The following CUX1 variants were observed in gnomAD, a reference collection of about 807,000 sequenced individuals.
CUX1 encodes cut like homeobox 1.
A neutral mutation model predicts 158.8 loss-of-function variants in CUX1; 31 were observed. The ratio of observed to expected loss-of-function variants is 0.20; its 90% confidence interval spans 0.15 to 0.26. CUX1 has a LOEUF of 0.26. Ranked by LOEUF, CUX1 falls within the 10% of genes least tolerant of loss-of-function variation. The pLI, the probability that CUX1 is intolerant of heterozygous loss-of-function variation, is 1.00. For missense variants in CUX1, 1,589 were observed against 2,014.6 expected, an observed-to-expected ratio of 0.79 and a Z score of 4.04; for synonymous variants, 879 against 862.1, an observed-to-expected ratio of 1.02 and a Z score of -0.34.
intron 2 of CUX1, among the ~76,000 whole-genome samples, chr7:101,959,005 G>A (rs1023491006): frequency 6.6e-6 from 1 of 151,564 alleles, no homozygotes; most frequent in Non-Finnish European, 1.5e-5. Context: ...ACAGGCTCAT[G>A]CCAGCCACCA....
chr7:102,081,028 A>G (rs575284409), intron 4 of CUX1, among the ~76,000 whole-genome samples: 12 of 152,262 alleles, frequency 7.9e-5, no homozygotes, highest in African/African-American at 2.6e-4. Context: ...GTTTCTGGCC[A>G]CTTCGCTACT....
At chr7:101,884,744 A>C (rs1270029488) in intron 1 of CUX1, among the ~76,000 whole-genome samples, 1 of 152,226 alleles carries the variant, frequency 6.6e-6, no homozygotes, top group Non-Finnish European at 1.5e-5. Context: ...TTAGCATAGA[A>C]AGTGCTAATT....
In CUX1 at chr7:102,281,807, C is replaced by A. The variant is rs373283478; in HGVS notation, c.1822-33C>A. On this transcript the variant is annotated intron_variant, in intron 20 of 22. Coordinates refer to the CUX1 transcript ENST00000292538. Reference sequence around the variant, plus strand: ...GCCCTGCAGGGGTGGGTGAGGCCGGCCCCATCCCCACTCACCCCCTCCTTG... The same window carrying A: ...GCCCTGCAGGGGTGGGTGAGGCCGGACCCATCCCCACTCACCCCCTCCTTG... 1.4e-5 allele frequency: 20 copies of A among 1,457,048 alleles called. No homozygotes were observed. The African/African-American group carries it at 1.8e-4, about 13-fold the overall frequency. The allele number at this position is 1,457,048 out of a possible 1,614,324, so 90.3% of individuals were successfully genotyped here. A position where few individuals can be genotyped will look rare whatever the true frequency, so the allele number is the denominator to read the frequency against.
chr7:101,927,853 G>C (rs545643797), intron 2 of CUX1, among the ~76,000 whole-genome samples: 32 of 152,348 alleles, frequency 2.1e-4, no homozygotes, highest in Non-Finnish European at 4.4e-4. Flanking sequence ...GAAGTGGTCA[G>C]AGCTGTTGCG....
At chr7:102,074,680 C>A (rs1029289880) in intron 4 of CUX1, among the ~76,000 whole-genome samples, 7 of 152,238 alleles carry the variant, frequency 4.6e-5, no homozygotes, top group African/African-American at 9.6e-5. Flanking sequence ...ACTCTCAGAG[C>A]TTTGTCCCTG....
In CUX1 at chr7:102,273,294, G is replaced by C. The variant is rs1791360117; in HGVS notation, c.1256-72G>C. On this transcript the variant is annotated intron_variant, in intron 14 of 22. Transcript: ENST00000292538. ...CTGCTTCCAGACCGTGGGTTGGAGA[G>C]GCAGAACCAGGGGAGGGCACCAAGG... 4 of 1,564,744 alleles carry C rather than the reference G, an allele frequency of 2.6e-6. No individual in the cohort carries two copies. In the Admixed American group the frequency reaches 5.5e-5, roughly 21 times the overall value.
At chr7:102,226,110 G>T (rs1216672794) in intron 20 of CUX1, among the ~76,000 whole-genome samples, 1 of 152,174 alleles carries the variant, frequency 6.6e-6, no homozygotes, top group Non-Finnish European at 1.5e-5. Context: ...AGGTTTTATG[G>T]GCTGTTATCA....
intron 18 of CUX1, among the ~76,000 whole-genome samples, chr7:102,278,313 G>C (rs1554548225): frequency 6.6e-6 from 1 of 152,254 alleles, no homozygotes; most frequent in Non-Finnish European, 1.5e-5. Context: ...AGAAGGACCA[G>C]GCACGGTGGC....
At chr7:102,105,318 A>G (rs1377966061) in intron 6 of CUX1, among the ~76,000 whole-genome samples, 16 of 152,064 alleles carry the variant, frequency 1.1e-4, no homozygotes, top group Admixed American at 1.0e-3. Flanking sequence ...GGGAGTTAGT[A>G]TCAGTAAAAT....
intron 13 of CUX1, 94 bp downstream of exon 13, chr7:102,193,984 C>T (rs1439577457): frequency 9.9e-6 from 12 of 1,216,856 alleles, no homozygotes; most frequent in African/African-American, 1.5e-5. Flanking sequence ...ACTGTTTCTA[C>T]GAGACCTCTC....
chr7:101,841,240 A>G lies in CUX1; in HGVS notation c.30+23571A>G, dbSNP rs140210913. 1.5e-3 allele frequency among the ~76,000 whole-genome samples: 235 copies of G among 152,062 alleles called. 1 individual carries two copies. Among genetic ancestry groups the G allele is most frequent in the African/African-American group, 5.5e-3 (229 of 41,518 alleles). Reference sequence around the variant, plus strand: ...TTTGGCATTTTATAATTTTCTAAAAATGTTTTCATTTTATCTTGGTTTTAA... The same window carrying G: ...TTTGGCATTTTATAATTTTCTAAAAGTGTTTTCATTTTATCTTGGTTTTAA... On this transcript the variant is annotated intron_variant, in intron 1 of 23. Transcript: ENST00000292535.
rs367906370 is a variant in CUX1 at position 101,957,840 on chromosome 7, ATTAAT to A, written c.141+41619_141+41623del. Among the ~76,000 whole-genome samples, 1,079 of 152,344 alleles carry A rather than the reference ATTAAT, an allele frequency of 7.1e-3. 12 individuals are homozygous for A. Among genetic ancestry groups the A allele is most frequent in the African/African-American group, 0.024 (1,014 of 41,574 alleles). On this transcript the variant is annotated intron_variant, in intron 2 of 23. Transcript: ENST00000292535. ...TCTTTTTGAAAGACTCTTCGTACTT[ATTAAT>A]TTATTCACCAGACATCTTTAAACGG...
At chr7:101,986,322 G>A (rs1814292169) in intron 2 of CUX1, among the ~76,000 whole-genome samples, 1 of 152,144 alleles carries the variant, frequency 6.6e-6, no homozygotes, top group African/African-American at 2.4e-5. Context: ...TTTTTGGGCT[G>A]TGACCCAAGA....
At chr7:102,003,089 A>T (rs1470508837) in intron 2 of CUX1, among the ~76,000 whole-genome samples, 1 of 151,956 alleles carries the variant, frequency 6.6e-6, no homozygotes, top group Non-Finnish European at 1.5e-5. Flanking sequence ...TTTAGTAGAG[A>T]CAGGGTTTCG....
intron 1 of CUX1, among the ~76,000 whole-genome samples, chr7:101,829,873 C>T (rs1316852206): frequency 1.3e-5 from 2 of 151,800 alleles, no homozygotes; most frequent in South Asian, 2.1e-4. Flanking sequence ...TGTAAGGAGC[C>T]CCCCTGTTGC....
intron 2 of CUX1, among the ~76,000 whole-genome samples, chr7:102,000,140 C>T (rs903923190): frequency 6.6e-5 from 10 of 151,898 alleles, no homozygotes; most frequent in Admixed American, 2.6e-4. Flanking sequence ...CCCTTGAATC[C>T]GGGCGGCGGA....
At chr7:101,967,342 G>C (rs996471096) in intron 2 of CUX1, among the ~76,000 whole-genome samples, 1 of 152,182 alleles carries the variant, frequency 6.6e-6, no homozygotes, top group East Asian at 1.9e-4. Context: ...TGCCACACTT[G>C]TGACTTAGCC....
chr7:102,228,197 C>A (rs975984558), intron 21 of CUX1, among the ~76,000 whole-genome samples: 1 of 151,856 alleles, frequency 6.6e-6, no homozygotes, highest in Non-Finnish European at 1.5e-5. Flanking sequence ...GCAATCTGCC[C>A]ACCTCAGCCT....
chr7:102,021,139 T>C lies in CUX1; in HGVS notation c.142-6959T>C, dbSNP rs1180470039. Among the ~76,000 whole-genome samples, 6 of 152,222 alleles carry C rather than the reference T, an allele frequency of 3.9e-5. No individual in the cohort carries two copies. The East Asian group carries it at 1.2e-3, about 29-fold the overall frequency. On this transcript the variant is annotated intron_variant, in intron 2 of 23. Coordinates refer to ENST00000292535, the MANE Select transcript of CUX1 (RefSeq NM_181552.4). ...CCTGCCCTAGTGCTCTTGGAAAGACTACATTGTCTCCGAAGGAGAAAGGGT... is the reference window on the plus strand; with the variant it reads ...CCTGCCCTAGTGCTCTTGGAAAGACCACATTGTCTCCGAAGGAGAAAGGGT...
Sources: gnomAD v4.1 joint callset for allele counts (sites outside exome capture counted in the v4.1 genomes callset) on GRCh38, gnomAD v4.1.1 for gene constraint, MANE v1.5 for transcripts, NCBI Gene and HGNC (gene_info 2026-07-23, HGNC 2026-07-21) for gene names.